The following PGR variants were observed in gnomAD, a reference collection of about 807,000 sequenced individuals.
PGR encodes nuclear receptor subfamily 3 group C member 3.
Under a neutral mutation model 76.1 loss-of-function variants are expected in PGR, and 25 were observed. That is an observed-to-expected ratio of 0.33 (90% confidence interval 0.24 to 0.46). PGR has a LOEUF of 0.46. Among genes scored for constraint, PGR ranks in the 20% least tolerant of loss-of-function variants. The pLI is 1.00. For missense variants in PGR, 1,172 were observed against 1,225.3 expected, an observed-to-expected ratio of 0.96 and a Z score of 0.65; for synonymous variants, 579 against 535.0, an observed-to-expected ratio of 1.08 and a Z score of -1.14.
chr11:101,071,519 C>T (rs570345119), intron 3 of PGR, among the ~76,000 whole-genome samples: 4 of 151,982 alleles, frequency 2.6e-5, no homozygotes, highest in Middle Eastern at 3.4e-3. Flanking sequence ...CGGGTAATGA[C>T]AAACTCCTCT....
chr11:101,039,088 T>A lies in PGR; in HGVS notation c.*28A>T. Reference sequence around the variant, plus strand: ...AAAACAAAAAGACATACCACAAAATTTAATTCTTTAAAAGAAAAAGATGAC... The same window carrying A: ...AAAACAAAAAGACATACCACAAAATATAATTCTTTAAAAGAAAAAGATGAC... On this transcript the variant is annotated 3_prime_UTR_variant, in exon 8 of 8. Coordinates refer to ENST00000325455, the MANE Select transcript of PGR (RefSeq NM_000926.4). The A allele has an allele frequency of 6.3e-7, 1 of 1,590,612 alleles. No individual in the cohort carries two copies. Among genetic ancestry groups the A allele is most frequent in the South Asian group, 1.1e-5 (1 of 90,504 alleles).
chr11:101,057,211 A>G (rs902242152), intron 4 of PGR, among the ~76,000 whole-genome samples: 3 of 152,180 alleles, frequency 2.0e-5, no homozygotes, highest in Non-Finnish European at 4.4e-5. Context: ...GCTCAGAGAA[A>G]TCTTCCCAGA....
intron 3 of PGR, among the ~76,000 whole-genome samples, chr11:101,071,939 C>G (rs940588387): frequency 1.3e-5 from 2 of 152,128 alleles, no homozygotes; most frequent in Admixed American, 1.3e-4. Flanking sequence ...CCCAACCTAG[C>G]AAGACAGGCC....
intron 3 of PGR, among the ~76,000 whole-genome samples, chr11:101,071,223 A>C (rs971440694): frequency 6.6e-6 from 1 of 152,210 alleles, no homozygotes; most frequent in Non-Finnish European, 1.5e-5. Flanking sequence ...GCAGACCTGC[A>C]GCAGAGGGGC....
intron 3 of PGR, among the ~76,000 whole-genome samples, chr11:101,085,031 G>T (rs1001635898): frequency 6.6e-5 from 10 of 152,250 alleles, no homozygotes; most frequent in Non-Finnish European, 1.3e-4. Context: ...AGATCATCAA[G>T]GCAGAAGACT....
intron 2 of PGR, among the ~76,000 whole-genome samples, chr11:101,118,515 C>T (rs1862577088): frequency 6.6e-6 from 1 of 152,036 alleles, no homozygotes; most frequent in Non-Finnish European, 1.5e-5. Context: ...CTAGTAAATA[C>T]TATGCTTTAA....
At chr11:101,118,742 T>C (rs1256308161) in intron 2 of PGR, among the ~76,000 whole-genome samples, 1 of 152,282 alleles carries the variant, frequency 6.6e-6, no homozygotes, top group South Asian at 2.1e-4. Context: ...GAAAAAAATG[T>C]CTTGATGATA....
chr11:101,060,940 A>C lies in PGR; in HGVS notation c.2212+1507T>G, dbSNP rs11571229. On this transcript the variant is annotated intron_variant, in intron 4 of 7. Coordinates refer to ENST00000325455, the MANE Select transcript of PGR (RefSeq NM_000926.4). The stretch of plus-strand genomic sequence containing the variant: ...AAAAAGGTCACTTAGCTTTTATCCA[A>C]AGTGAATAAGTCATCTTTTCAAGTA... Among the ~76,000 whole-genome samples the C allele has an allele frequency of 8.9e-4, 135 of 152,332 alleles. 1 individual carries two copies. Among genetic ancestry groups the C allele is most frequent in the Non-Finnish European group, 1.5e-3 (100 of 68,032 alleles).
intron 2 of PGR, among the ~76,000 whole-genome samples, chr11:101,110,453 A>C (rs1862310102): frequency 6.6e-6 from 1 of 152,190 alleles, no homozygotes; most frequent in African/African-American, 2.4e-5. Flanking sequence ...ATGTGGTAGG[A>C]ATAGCAAAAG....
chr11:101,126,618 AAGC>A (rs1862846731), intron 1 of PGR, among the ~76,000 whole-genome samples: 1 of 152,188 alleles, frequency 6.6e-6, no homozygotes, highest in Non-Finnish European at 1.5e-5. Flanking sequence ...TTGCTTACTT[AAGC>A]AAGTATATGT....
At chr11:101,097,812 C>T (rs1320478489) in intron 2 of PGR, among the ~76,000 whole-genome samples, 1 of 147,620 alleles carries the variant, frequency 6.8e-6, no homozygotes, top group Non-Finnish European at 1.5e-5. Context: ...AGTCTCGCTC[C>T]GTCGCTCAGG....
chr11:101,039,336 C>T (rs986060519), intron 7 of PGR, 65 bp from the exon 8 acceptor site: 54 of 1,194,806 alleles, frequency 4.5e-5, no homozygotes, highest in Middle Eastern at 1.9e-4. Context: ...GCTATTCAAA[C>T]ATGGCAATTT....
chr11:101,127,396 C>A (rs779182390), intron 1 of PGR, 38 bp downstream of exon 1: 4 of 1,473,562 alleles, frequency 2.7e-6, no homozygotes, highest in Admixed American at 2.2e-5. Context: ...AACCGCTACT[C>A]CCGGACGCGC....
intron 3 of PGR, among the ~76,000 whole-genome samples, chr11:101,068,360 G>A (rs1446809130): frequency 2.0e-5 from 3 of 151,852 alleles, no homozygotes; most frequent in Non-Finnish European, 2.9e-5. Flanking sequence ...CACTGCTCAA[G>A]GAAATCAGGG....
At chr11:101,073,546 C>G (rs775949041) in intron 3 of PGR, among the ~76,000 whole-genome samples, 12 of 151,742 alleles carry the variant, frequency 7.9e-5, no homozygotes, top group Non-Finnish European at 1.5e-4. Flanking sequence ...AATCCAGGAG[C>G]TGGTTTTTTG....
chr11:101,090,751 A>T (rs1861651785), intron 3 of PGR, among the ~76,000 whole-genome samples: 1 of 152,216 alleles, frequency 6.6e-6, no homozygotes, highest in African/African-American at 2.4e-5. Context: ...AAATTATAAA[A>T]TTCTATAAGT....
At chr11:101,056,296 TACAG>T (rs1860289565) in intron 4 of PGR, among the ~76,000 whole-genome samples, 1 of 152,124 alleles carries the variant, frequency 6.6e-6, no homozygotes, top group Non-Finnish European at 1.5e-5. Flanking sequence ...AAAGCCCTGT[TACAG>T]CTGTCCAAAT....
At chr11:101,098,869 G>A (rs1861916246) in intron 2 of PGR, among the ~76,000 whole-genome samples, 1 of 152,204 alleles carries the variant, frequency 6.6e-6, no homozygotes, top group South Asian at 2.1e-4. Context: ...ATGCCAGGCA[G>A]CCAGGAATCT....
chr11:101,074,591 C>T (rs1322276678), intron 3 of PGR, among the ~76,000 whole-genome samples: 1 of 152,062 alleles, frequency 6.6e-6, no homozygotes, highest in African/African-American at 2.4e-5. Context: ...TCATCTCAGC[C>T]CAAAATCTCC....
Sources: allele counts gnomAD v4.1 joint callset (sites outside exome capture counted in the v4.1 genomes callset), GRCh38; gene constraint gnomAD v4.1.1; transcripts MANE v1.5; gene names NCBI Gene and HGNC (gene_info 2026-07-23, HGNC 2026-07-21).